The following EDNRB variants were observed in gnomAD, a reference collection of about 807,000 sequenced individuals.
EDNRB encodes Hirschsprung disease 2.
EDNRB carries 18 observed loss-of-function variants against 46.4 expected under a neutral mutation model. The ratio of observed to expected loss-of-function variants is 0.39; its 90% confidence interval spans 0.27 to 0.57. The LOEUF (loss-of-function observed/expected upper bound fraction) is 0.57, where lower values mean the gene tolerates loss of function less well. Among genes scored for constraint, EDNRB ranks in the 20% least tolerant of loss-of-function variants. The probability of loss-of-function intolerance (pLI) is 0.61; values close to 1 mark genes in which losing one functional copy is unlikely to be tolerated. For synonymous variants in EDNRB, 213 were observed against 204.9 expected (o/e 1.04, Z -0.34); for missense variants, 434 against 537.5 (o/e 0.81, Z 1.90).
chr13:77,919,704 T>C (rs575046183), upstream of EDNRB: 4 of 1,310,572 alleles, frequency 3.1e-6, no homozygotes, highest in South Asian at 2.9e-5. Context: ...CTGGACAGCA[T>C]CAGTAGTAGT....
intron 1 of EDNRB, among the ~76,000 whole-genome samples, chr13:77,931,727 T>C (rs537113712): frequency 5.8e-5 from 7 of 120,852 alleles, no homozygotes; most frequent in African/African-American, 2.3e-4. Flanking sequence ...TTCCTTAGCA[T>C]TGAAATACTG....
rs989932428 is a variant in EDNRB at position 77,897,766 on chromosome 13, A to G, written c.*434T>C. On this transcript the variant is annotated 3_prime_UTR_variant, in exon 7 of 7. Coordinates refer to ENST00000646607, the MANE Select transcript of EDNRB (RefSeq NM_001122659.3). ...TTGTTTTAAAGGATTTTAAAATTTT[A>G]AATTGAGTAATTTAAGCTTCATTTA... The G allele has an allele frequency of 2.0e-5, 20 of 986,170 alleles. No individual in the cohort carries two copies. Among genetic ancestry groups the G allele is most frequent in the Non-Finnish European group, 2.4e-5 (20 of 828,578 alleles). 61.1% of individuals were successfully genotyped at this position (986,170 alleles called of 1,614,324 possible).
At chr13:77,972,991 C>T (rs534335210) in intron 1 of EDNRB, among the ~76,000 whole-genome samples, 3 of 151,988 alleles carry the variant, frequency 2.0e-5, no homozygotes, top group African/African-American at 7.2e-5. Flanking sequence ...TTTCTTCTTT[C>T]CACCTTTTGA....
intron 1 of EDNRB, among the ~76,000 whole-genome samples, chr13:77,913,240 A>C (rs552751194): frequency 1.3e-5 from 2 of 152,292 alleles, no homozygotes; most frequent in African/African-American, 4.8e-5. Context: ...GCATTTTGAC[A>C]TACCAGCATT....
chr13:77,896,485 TG>T lies in EDNRB; in HGVS notation c.*1714del. 1 of 1,581,446 alleles carries T rather than the reference TG, an allele frequency of 6.3e-7. No homozygotes were observed. The stretch of plus-strand genomic sequence containing the variant: ...TCTTTCTGGCCACATTGTTGGGTTT[TG>T]GTTTACTGTACCATCACATTCAATA... On this transcript the variant is annotated 3_prime_UTR_variant, in exon 7 of 7. Coordinates refer to ENST00000646607, the MANE Select transcript of EDNRB (RefSeq NM_001122659.3).
chr13:77,973,670 C>CT (rs1427144426), intron 1 of EDNRB, among the ~76,000 whole-genome samples: 1 of 151,900 alleles, frequency 6.6e-6, no homozygotes, highest in African/African-American at 2.4e-5. Flanking sequence ...GTATATTTTA[C>CT]TTTTTTTATA....
upstream of EDNRB, chr13:77,919,699 C>A: frequency 7.4e-7 from 1 of 1,356,732 alleles, no homozygotes. Context: ...GATGCCTGGA[C>A]AGCATCAGTA....
intron 1 of EDNRB, among the ~76,000 whole-genome samples, chr13:77,956,804 C>T (rs986151409): frequency 2.0e-5 from 3 of 152,180 alleles, no homozygotes; most frequent in African/African-American, 7.2e-5. Context: ...TCAAAATCTA[C>T]AGAAGTGGGT....
rs115320980 is a variant in EDNRB, at chr13:77,969,142, G to A, written c.-52+6205C>T. 5.1e-3 allele frequency among the ~76,000 whole-genome samples: 770 copies of A among 152,142 alleles called. 11 individuals carry two copies. Among genetic ancestry groups the A allele is most frequent in the African/African-American group, 0.017 (722 of 41,496 alleles). On this transcript the variant is annotated intron_variant, in intron 1 of 7. Coordinates refer to the EDNRB transcript ENST00000646948. ...TTAGTTATATAGCAATAACATAATT[G>A]GATATTTTGTGTCATTGCCTCTATT...
chr13:77,902,621 CCTG>C (rs1463609673), intron 3 of EDNRB, among the ~76,000 whole-genome samples: 1 of 151,896 alleles, frequency 6.6e-6, no homozygotes, highest in African/African-American at 2.4e-5. Flanking sequence ...AGCTCGTACC[CCTG>C]CTCTTTTTAA....
chr13:77,937,668 G>A lies in EDNRB; in HGVS notation c.-51-19044C>T, dbSNP rs551961689. Among the ~76,000 whole-genome samples the A allele has an allele frequency of 2.8e-3, 429 of 152,264 alleles. 4 individuals carry two copies. Among genetic ancestry groups the A allele is most frequent in the African/African-American group, 9.5e-3 (394 of 41,548 alleles). ...TAGTCGTGGGACTAAACTGTAAGCCGGACCAAATGTGAGGAGGGGAGGTGA... is the reference window on the plus strand; with the variant it reads ...TAGTCGTGGGACTAAACTGTAAGCCAGACCAAATGTGAGGAGGGGAGGTGA... On this transcript the variant is annotated intron_variant, in intron 1 of 7. Transcript: ENST00000646948.
At chr13:77,931,571 G>A (rs1566324232) in intron 1 of EDNRB, among the ~76,000 whole-genome samples, 1 of 151,640 alleles carries the variant, frequency 6.6e-6, no homozygotes, top group Non-Finnish European at 1.5e-5. Flanking sequence ...GACATCAGTG[G>A]CCTCTAACAA....
intron 1 of EDNRB, among the ~76,000 whole-genome samples, chr13:77,958,554 T>C (rs1009320684): frequency 1.1e-4 from 16 of 151,878 alleles, no homozygotes; most frequent in Non-Finnish European, 1.9e-4. Flanking sequence ...TTGTATTTTT[T>C]CAGTAGAGAT....
chr13:77,956,149 T>C (rs941263435), intron 1 of EDNRB, among the ~76,000 whole-genome samples: 1 of 152,208 alleles, frequency 6.6e-6, no homozygotes, highest in African/African-American at 2.4e-5. Flanking sequence ...ATTCTTCTCA[T>C]CCATAAACCT....
chr13:77,934,892 G>A (rs1005874059), intron 1 of EDNRB, among the ~76,000 whole-genome samples: 1 of 152,106 alleles, frequency 6.6e-6, no homozygotes, highest in Non-Finnish European at 1.5e-5. Context: ...GCGTGATCAG[G>A]TTGAGGAACA....
intron 1 of EDNRB, among the ~76,000 whole-genome samples, chr13:77,952,577 G>A (rs12720137): frequency 0.015 from 2,236 of 152,148 alleles, 44 homozygotes; most frequent in East Asian, 0.024. Context: ...CATATATATA[G>A]AAAGCTAATT....
intron 1 of EDNRB, among the ~76,000 whole-genome samples, chr13:77,967,774 T>C (rs116209634): frequency 1.3e-5 from 2 of 152,344 alleles, no homozygotes; most frequent in African/African-American, 4.8e-5. Context: ...CAGGTTTCCA[T>C]TATGCCTTGA....
rs760568974 is a variant in EDNRB, at chr13:77,899,889, C to T, written c.1164G>A (p.Leu388=). The T allele has an allele frequency of 1.2e-6, 2 of 1,611,764 alleles. No individual in the cohort carries two copies. Among genetic ancestry groups the T allele is most frequent in the Non-Finnish European group, 8.5e-7 (1 of 1,178,664 alleles). Residue 388 remains leucine, a synonymous_variant, in exon 6 of 7, where the codon TTG becomes TTA. Transcript: ENST00000646607. ...AGCAGTTTTTGAATCTTTTGCTCAC[C>T]AAATACAGAGCAATTGGGTTAATGC... ...NSCINPIALY[L]VSKRFKNCFK... is the part of the protein sequence containing the mutation.
At position 77,903,162 on chromosome 13, in the gene EDNRB, G is replaced by T; in HGVS notation, c.795C>A (p.Phe265Leu). Residue 265 changes from phenylalanine (F) to leucine (L), a missense_variant, in exon 3 of 7, where the codon TTC becomes TTA. By Grantham distance (22) the Phe-to-Leu change is conservative (BLOSUM62 0). Transcript: ENST00000646607. ...TAAAAAAAGTGAAATTTACCTGCAT[G>T]AAAGCTGTCTTCTGAACGGGATGAA... is the stretch of plus-strand genomic sequence containing the variant. ...CLLHPVQKTAFMQFYKTAKDW... is the reference protein window; with the variant it reads ...CLLHPVQKTALMQFYKTAKDW... 1 of 1,612,696 alleles carries T rather than the reference G, an allele frequency of 6.2e-7. No homozygotes were observed. Among genetic ancestry groups the T allele is most frequent in the Non-Finnish European group, 8.5e-7 (1 of 1,179,184 alleles).
Sources: gnomAD v4.1 joint callset for allele counts (sites outside exome capture counted in the v4.1 genomes callset) on GRCh38, gnomAD v4.1.1 for gene constraint, MANE v1.5 for transcripts, NCBI Gene and HGNC (gene_info 2026-07-23, HGNC 2026-07-21) for gene names.